RPS6KC1: variants seen among roughly 807,000 people sequenced by gnomAD.
RPS6KC1 encodes ribosomal protein S6 kinase C1, also known as inactive ribosomal protein S6 kinase delta-1.
In RPS6KC1, 54 loss-of-function variants were observed where a neutral mutation model predicts 103.8. The observed-to-expected ratio is 0.52, with a 90% CI of 0.42 to 0.65. The LOEUF is 0.65. RPS6KC1 is among the 30% of genes least tolerant of loss of function. RPS6KC1 has a pLI of 0.00. For missense variants in RPS6KC1, 1,151 were observed against 1,253.8 expected (o/e 0.92, Z 1.24); for synonymous variants, 439 against 438.7 (o/e 1.00, Z -0.01).
At chr1:213,205,282 A>G (rs941936271) in intron 8 of RPS6KC1, 11 of 984,812 alleles carry the variant, frequency 1.1e-5, no homozygotes, top group African/African-American at 3.5e-5. Flanking sequence ...GCTGAAGACA[A>G]TTGTTACATA....
the RPS6KC1 span, among the ~76,000 whole-genome samples, chr1:213,501,404 A>G: frequency 6.6e-6 from 1 of 152,262 alleles, no homozygotes; most frequent in Non-Finnish European, 1.5e-5. Context: ...AAAGTAAAAC[A>G]TGCAAGTATT....
At chr1:213,129,990 A>G in intron 6 of RPS6KC1, 101 bp downstream of exon 6, 3 of 1,180,122 alleles carry the variant, frequency 2.5e-6, no homozygotes, top group Non-Finnish European at 3.5e-6. Context: ...TGGAAATAAT[A>G]CTGAAAATGA....
At chr1:213,176,140 A>G (rs993989675) in intron 7 of RPS6KC1, among the ~76,000 whole-genome samples, 2 of 152,160 alleles carry the variant, frequency 1.3e-5, no homozygotes, top group African/African-American at 4.8e-5. Flanking sequence ...CTGCCAGCTC[A>G]TTAATTTTTC....
At chr1:213,154,109 T>C (rs1027619247) in intron 6 of RPS6KC1, among the ~76,000 whole-genome samples, 1 of 151,924 alleles carries the variant, frequency 6.6e-6, no homozygotes. Flanking sequence ...CTCCCAAACA[T>C]ATAAAATCTC....
At chr1:213,516,440 G>A in the RPS6KC1 span, among the ~76,000 whole-genome samples, 1 of 152,162 alleles carries the variant, frequency 6.6e-6, no homozygotes, top group Non-Finnish European at 1.5e-5. Context: ...TTAGCATGAA[G>A]GGTTGTTGAA....
chr1:213,295,363 G>A, the RPS6KC1 span, among the ~76,000 whole-genome samples: 1 of 152,200 alleles, frequency 6.6e-6, no homozygotes. Flanking sequence ...GGAAGGTAAG[G>A]TAGTTAATGA....
chr1:213,452,312 C>A, the RPS6KC1 span, among the ~76,000 whole-genome samples: 1 of 151,666 alleles, frequency 6.6e-6, no homozygotes, highest in Middle Eastern at 3.4e-3. Context: ...TTCTCTCACT[C>A]CTCTCTCTGA....
chr1:213,228,129 G>A (rs1490238181), intron 8 of RPS6KC1, among the ~76,000 whole-genome samples: 1 of 152,170 alleles, frequency 6.6e-6, no homozygotes, highest in Non-Finnish European at 1.5e-5. Flanking sequence ...GTGTAAAACA[G>A]CAGAAGAAAG....
At chr1:213,602,114 T>C in the RPS6KC1 span, among the ~76,000 whole-genome samples, 23 of 37,998 alleles carry the variant, frequency 6.1e-4, 1 homozygote, top group African/African-American at 2.0e-3. Context: ...CTTTCTTTCT[T>C]TCTTTCTCTT....
At chr1:213,542,053 C>T in the RPS6KC1 span, among the ~76,000 whole-genome samples, 4 of 152,068 alleles carry the variant, frequency 2.6e-5, no homozygotes, top group Admixed American at 6.5e-5. Flanking sequence ...TAGGGAGACA[C>T]GATTTAATAC....
chr1:213,267,788 T>G (rs1025971290), intron 14 of RPS6KC1, among the ~76,000 whole-genome samples: 1 of 151,032 alleles, frequency 6.6e-6, no homozygotes, highest in Non-Finnish European at 1.5e-5. Flanking sequence ...ACATGAAAAA[T>G]TCACTAGAAA....
At chr1:213,769,017 G>T in the RPS6KC1 span, among the ~76,000 whole-genome samples, 1 of 152,198 alleles carries the variant, frequency 6.6e-6, no homozygotes, top group African/African-American at 2.4e-5. Context: ...AACAAAAGCG[G>T]CAGGGACCTG....
the RPS6KC1 span, among the ~76,000 whole-genome samples, chr1:213,533,443 G>C: frequency 6.6e-6 from 1 of 151,994 alleles, no homozygotes; most frequent in East Asian, 1.9e-4. Context: ...TATTATTTGT[G>C]GGTTCTTGTG....
At chr1:213,145,967 GTTTTTTTTTTT>G (rs71573864) in intron 6 of RPS6KC1, among the ~76,000 whole-genome samples, 22 of 47,832 alleles carry the variant, frequency 4.6e-4, no homozygotes, top group African/African-American at 1.4e-3. Context: ...CATTCATTCT[GTTTTTTTTTTT>G]TTTTTTTTTT....
At chr1:213,287,441 A>G in the RPS6KC1 span, among the ~76,000 whole-genome samples, 1,716 of 152,288 alleles carry the variant, frequency 0.011, 34 homozygotes, top group African/African-American at 0.039. Flanking sequence ...GTAAATATAA[A>G]TCTACAATGC....
rs756824538 is a variant in RPS6KC1 at position 213,241,894 on chromosome 1, G to T, written c.2418G>T (p.Glu806Asp). The T allele has an allele frequency of 6.2e-7, 1 of 1,613,996 alleles. No homozygotes were observed. The highest frequency in any genetic ancestry group is 1.3e-5 in the African/African-American group (1 of 75,024). ...AGTTTCAAGGACTTGGAGTGGTTGAGTCAGCAGTAACTGCAAACAACACAG... is the reference window on the plus strand; with the variant it reads ...AGTTTCAAGGACTTGGAGTGGTTGATTCAGCAGTAACTGCAAACAACACAG... ...DPKFQGLGVV[E>D]SAVTANNTEE... Residue 806 changes from glutamate to aspartate, a missense_variant, in exon 11 of 15, where the codon GAG (glutamate) becomes GAT (aspartate). Physicochemically the swap from Glu to Asp is conservative, Grantham distance 45. Around this residue, in one of 3 missense-constraint regions of RPS6KC1, gnomAD observed 959 missense variants for 1,006.3 expected, o/e 0.95. Transcript: ENST00000366960.
At chr1:213,443,680 G>A in the RPS6KC1 span, among the ~76,000 whole-genome samples, 12 of 152,120 alleles carry the variant, frequency 7.9e-5, no homozygotes, top group South Asian at 4.2e-4. Context: ...CTTTGGGAGC[G>A]TGAGGTGGGC....
At chr1:213,776,976 C>T in the RPS6KC1 span, among the ~76,000 whole-genome samples, 1 of 152,198 alleles carries the variant, frequency 6.6e-6, no homozygotes, top group Non-Finnish European at 1.5e-5. Flanking sequence ...CTGCCTCTTC[C>T]TAGCCACTCT....
chr1:213,378,857 G>A, the RPS6KC1 span, among the ~76,000 whole-genome samples: 1 of 152,260 alleles, frequency 6.6e-6, no homozygotes, highest in South Asian at 2.1e-4. Context: ...CACCTGCCAT[G>A]TTCATTCTGG....
Sources: allele counts gnomAD v4.1 joint callset (sites outside exome capture counted in the v4.1 genomes callset), GRCh38; gene constraint gnomAD v4.1.1; regional missense constraint gnomAD v4.1.1; transcripts MANE v1.5; gene names NCBI Gene and HGNC (gene_info 2026-07-23, HGNC 2026-07-21).